Variants in MCPH1 observed in about 807,000 individuals in gnomAD.
MCPH1 encodes microcephalin 1.
In MCPH1, 104 loss-of-function variants were observed where a neutral mutation model predicts 84.5. That is an observed-to-expected ratio of 1.23 (90% confidence interval 1.05 to 1.45). MCPH1 has a LOEUF of 1.45. Ranked by LOEUF, MCPH1 falls within the 40% of genes most tolerant of loss-of-function variation. The probability of loss-of-function intolerance (pLI) is 0.00; values close to 1 mark genes in which losing one functional copy is unlikely to be tolerated. For missense variants in MCPH1, 1,498 were observed against 1,005.7 expected, an observed-to-expected ratio of 1.49 and a Z score of -6.62; for synonymous variants, 514 against 366.8, an observed-to-expected ratio of 1.40 and a Z score of -4.58.
intron 12 of MCPH1, among the ~76,000 whole-genome samples, chr8:6,555,989 G>C (rs548735227): frequency 6.6e-6 from 1 of 152,082 alleles, no homozygotes; most frequent in Admixed American, 6.6e-5. Flanking sequence ...CTCAGCAATC[G>C]GAATCTGTCA....
In MCPH1 at chr8:6,531,066, C is replaced by A. The variant is rs1030018759; in HGVS notation, c.2214+31137C>A. ...CTGACTTCAGAAGCATGTAAAGAAG[C>A]CAGGATGAGGAGTCAGAAAGCGGGC... On this transcript the variant is annotated intron_variant, in intron 12 of 13. Coordinates refer to ENST00000344683, the MANE Select transcript of MCPH1 (RefSeq NM_024596.5). Among the ~76,000 whole-genome samples, 14 of 152,286 alleles carry A rather than the reference C, an allele frequency of 9.2e-5. 1 individual carries two copies. The highest frequency in any genetic ancestry group is 3.1e-4 in the African/African-American group (13 of 41,564).
intron 10 of MCPH1, 43 bp from the exon 11 acceptor site, chr8:6,480,671 A>C (rs539739145): frequency 8.1e-6 from 13 of 1,612,722 alleles, no homozygotes; most frequent in South Asian, 5.5e-5. Flanking sequence ...GGGCATGTGC[A>C]ACAAAGTCAT....
chr8:6,586,817 TGA>T (rs1174293689), intron 12 of MCPH1, among the ~76,000 whole-genome samples: 1 of 152,200 alleles, frequency 6.6e-6, no homozygotes, highest in Non-Finnish European at 1.5e-5. Flanking sequence ...GTTGAAGGGA[TGA>T]GAGATTAGGA....
In MCPH1 at chr8:6,409,891, C is replaced by T. The variant is rs2920690; in HGVS notation, c.114+521C>T. Reference sequence around the variant, plus strand: ...GCGTTGTTCAGTATTCAAGGACAGGCGATGGGAGCAGGGACCCAGTGACAG... The same window carrying T: ...GCGTTGTTCAGTATTCAAGGACAGGTGATGGGAGCAGGGACCCAGTGACAG... On this transcript the variant is annotated intron_variant, in intron 2 of 13. Coordinates refer to ENST00000344683, the MANE Select transcript of MCPH1 (RefSeq NM_024596.5). Among the ~76,000 whole-genome samples, 1,230 of 151,558 alleles carry T rather than the reference C, an allele frequency of 8.1e-3. 20 individuals are homozygous for T. Among genetic ancestry groups the T allele is most frequent in the African/African-American group, 0.028 (1,158 of 41,298 alleles).
Position 6,480,829 on chromosome 8 carries a change from G to T in MCPH1, c.2089G>T (p.Val697Leu). 1 of 1,614,228 alleles carries T rather than the reference G, an allele frequency of 6.2e-7. No individual in the cohort carries two copies. Among genetic ancestry groups the T allele is most frequent in the South Asian group, 1.1e-5 (1 of 91,084 alleles). ...CGGGAAGCCACTTCGCACCCTGAAT[G>T]TGCTGCTGGGAATTGCGCGTGGCTG... ...LSGKPLRTLN[V>L]LLGIARGCWV... Residue 697 changes from valine to leucine, a missense_variant, in exon 11 of 14, where the codon GTG (valine) becomes TTG (leucine). Transcript: ENST00000344683.
intron 12 of MCPH1, among the ~76,000 whole-genome samples, chr8:6,559,474 A>G (rs1214784291): frequency 2.0e-5 from 3 of 152,198 alleles, no homozygotes; most frequent in African/African-American, 7.2e-5. Flanking sequence ...TCACATTTAC[A>G]CTTTCCAGCC....
chr8:6,529,892 T>A (rs565540572), intron 12 of MCPH1, among the ~76,000 whole-genome samples: 3 of 151,728 alleles, frequency 2.0e-5, no homozygotes, highest in South Asian at 4.2e-4. Context: ...GTTTTTTTTT[T>A]AAATCATATG....
intron 12 of MCPH1, among the ~76,000 whole-genome samples, chr8:6,592,573 A>G (rs1328307976): frequency 6.7e-6 from 1 of 150,038 alleles, no homozygotes; most frequent in Non-Finnish European, 1.5e-5. Flanking sequence ...TCCTGAATTT[A>G]ACGATGATTT....
At chr8:6,622,310 G>T (rs1042941944) in intron 13 of MCPH1, 1 of 160,726 alleles carries the variant, frequency 6.2e-6, no homozygotes, top group Admixed American at 5.7e-5. Context: ...GAGATCGGAG[G>T]AGGCTGGAAC....
At chr8:6,549,498 C>T (rs1238614917) in intron 12 of MCPH1, among the ~76,000 whole-genome samples, 1 of 152,190 alleles carries the variant, frequency 6.6e-6, no homozygotes, top group Non-Finnish European at 1.5e-5. Context: ...GGTGGGAAGC[C>T]TTCTGTATCT....
At chr8:6,513,072 A>C (rs1163785569) in intron 12 of MCPH1, among the ~76,000 whole-genome samples, 1 of 152,238 alleles carries the variant, frequency 6.6e-6, no homozygotes, top group Non-Finnish European at 1.5e-5. Flanking sequence ...AACACTTACT[A>C]TTCACTGATT....
At chr8:6,415,767 G>A (rs779449222) in intron 3 of MCPH1, among the ~76,000 whole-genome samples, 24 of 152,112 alleles carry the variant, frequency 1.6e-4, no homozygotes, top group African/African-American at 4.8e-5. Context: ...TGAGTTCCTT[G>A]CTAAGATTGT....
chr8:6,554,000 A>G (rs1824145238), intron 12 of MCPH1, among the ~76,000 whole-genome samples: 1 of 151,892 alleles, frequency 6.6e-6, no homozygotes, highest in Admixed American at 6.6e-5. Context: ...TAGAGAGACG[A>G]GCGCACAACT....
At chr8:6,637,782 A>G (rs1226527416) in intron 13 of MCPH1, among the ~76,000 whole-genome samples, 1 of 152,152 alleles carries the variant, frequency 6.6e-6, no homozygotes, top group East Asian at 1.9e-4. Flanking sequence ...TTTTAATGGA[A>G]GCAGAGAAAG....
At chr8:6,519,852 C>T (rs368790940) in intron 12 of MCPH1, 14 of 1,612,912 alleles carry the variant, frequency 8.7e-6, no homozygotes, top group African/African-American at 4.0e-5. Context: ...TAAGGGGAGA[C>T]GAATACCTCA....
chr8:6,465,927 CCATCCATCCATCCATCCATG>C (rs1185152081), intron 9 of MCPH1, among the ~76,000 whole-genome samples: 1,840 of 116,268 alleles, frequency 0.016, 41 homozygotes, highest in African/African-American at 0.052. Context: ...ATCTATCGAT[CCATCCATCCATCCATCCATG>C]CATCCATCCA....
At chr8:6,455,680 C>T (rs1478063401) in intron 9 of MCPH1, among the ~76,000 whole-genome samples, 1 of 152,150 alleles carries the variant, frequency 6.6e-6, no homozygotes. Context: ...TCAGGTACAC[C>T]CTTCCCTTTG....
chr8:6,442,259 T>A, intron 7 of MCPH1, 103 bp downstream of exon 7: 1 of 724,148 alleles, frequency 1.4e-6, no homozygotes, highest in Non-Finnish European at 2.4e-6. Context: ...GTAAAATAAT[T>A]AGTTAAAACT....
At chr8:6,422,678 C>G (rs926542624) in intron 3 of MCPH1, among the ~76,000 whole-genome samples, 1 of 152,116 alleles carries the variant, frequency 6.6e-6, no homozygotes, top group African/African-American at 2.4e-5. Context: ...CTTCGTTATC[C>G]AAAAGCAAAG....
Sources: gnomAD v4.1 joint callset for allele counts (sites outside exome capture counted in the v4.1 genomes callset) on GRCh38, gnomAD v4.1.1 for gene constraint, MANE v1.5 for transcripts, NCBI Gene and HGNC (gene_info 2026-07-23, HGNC 2026-07-21) for gene names.